CSMD1: variants seen among roughly 807,000 people sequenced by gnomAD.
The protein encoded by CSMD1 is CUB and Sushi multiple domains 1.
A neutral mutation model predicts 417.5 loss-of-function variants in CSMD1; 213 were observed. The observed-to-expected ratio is 0.51, with a 90% CI of 0.46 to 0.57. The LOEUF (loss-of-function observed/expected upper bound fraction) is 0.57, where lower values mean the gene tolerates loss of function less well. Ranked by LOEUF, CSMD1 falls within the 20% of genes least tolerant of loss-of-function variation. CSMD1 has a pLI of 0.00. For missense variants in CSMD1, 6,923 were observed against 4,529.7 expected, an observed-to-expected ratio of 1.53 and a Z score of -15.17; for synonymous variants, 2,862 against 1,736.8, an observed-to-expected ratio of 1.65 and a Z score of -16.11.
chr8:3,834,619 G>C (rs1802572034), intron 5 of CSMD1, among the ~76,000 whole-genome samples: 3 of 152,180 alleles, frequency 2.0e-5, no homozygotes, highest in African/African-American at 7.2e-5. Context: ...ATACGTTTCA[G>C]AGAGTTCTTT....
chr8:4,918,913 T>C (rs1806244618), intron 1 of CSMD1, among the ~76,000 whole-genome samples: 1 of 152,080 alleles, frequency 6.6e-6, no homozygotes. Context: ...TTAAAAAAAG[T>C]AGTAAAATTC....
At chr8:4,581,502 G>C (rs1006330982) in intron 2 of CSMD1, among the ~76,000 whole-genome samples, 4 of 152,128 alleles carry the variant, frequency 2.6e-5, no homozygotes, top group Non-Finnish European at 2.9e-5. Flanking sequence ...GTAGAAAAAG[G>C]GTTTGAGAAG....
intron 5 of CSMD1, among the ~76,000 whole-genome samples, chr8:3,825,585 G>GT (rs34873025): frequency 0.44 from 66,197 of 151,804 alleles, 15,070 homozygotes; most frequent in East Asian, 0.62. Flanking sequence ...ACCTAGAAGA[G>GT]TGGGGGAAGG....
intron 3 of CSMD1, among the ~76,000 whole-genome samples, chr8:4,419,645 T>C (rs1234433935): frequency 6.6e-6 from 1 of 152,196 alleles, no homozygotes; most frequent in Non-Finnish European, 1.5e-5. Context: ...ATGAACTCTT[T>C]ACCACGTAAG....
chr8:4,677,434 C>G (rs1805767755), intron 1 of CSMD1, among the ~76,000 whole-genome samples: 1 of 152,056 alleles, frequency 6.6e-6, no homozygotes. Context: ...CTCTCGTTCT[C>G]TCTCCAACCT....
intron 23 of CSMD1, among the ~76,000 whole-genome samples, chr8:3,331,136 G>C (rs1297441281): frequency 6.6e-6 from 1 of 151,938 alleles, no homozygotes; most frequent in African/African-American, 2.4e-5. Context: ...TATTCAGGAG[G>C]CTGAGGCAGG....
chr8:4,908,313 C>A (rs1357181205), intron 1 of CSMD1, among the ~76,000 whole-genome samples: 1 of 152,144 alleles, frequency 6.6e-6, no homozygotes, highest in Non-Finnish European at 1.5e-5. Flanking sequence ...GTGCAGTATG[C>A]ATATGATATA....
chr8:3,923,821 G>A (rs2975323), intron 5 of CSMD1, among the ~76,000 whole-genome samples: 34,368 of 152,066 alleles, frequency 0.23, 4,746 homozygotes, highest in African/African-American at 0.37. Flanking sequence ...CTGCGTCTGA[G>A]TTTCAATTTT....
chr8:3,040,387 AATATAT>A (rs35722761), intron 50 of CSMD1, among the ~76,000 whole-genome samples: 1,901 of 137,508 alleles, frequency 0.014, 44 homozygotes, highest in African/African-American at 0.045. Context: ...TACACATTGA[AATATAT>A]ATATATATAT....
intron 1 of CSMD1, among the ~76,000 whole-genome samples, chr8:4,813,267 T>C (rs190838554): frequency 6.6e-6 from 1 of 152,066 alleles, no homozygotes; most frequent in Non-Finnish European, 1.5e-5. Flanking sequence ...GTAGTAATGA[T>C]CTTTCTGTTA....
chr8:3,642,320 G>C (rs1052600945), intron 7 of CSMD1, among the ~76,000 whole-genome samples: 19 of 152,136 alleles, frequency 1.2e-4, no homozygotes, highest in Admixed American at 4.6e-4. Context: ...AAAAGAACTT[G>C]CTCTTTCCCA....
chr8:3,504,258 A>AT (rs33949269), intron 10 of CSMD1, among the ~76,000 whole-genome samples: 2 of 151,844 alleles, frequency 1.3e-5, no homozygotes, highest in African/African-American at 2.4e-5. Flanking sequence ...TTAAAAAAAC[A>AT]TTTTTTTTAA....
chr8:4,215,325 G>A (rs570280519), intron 3 of CSMD1, among the ~76,000 whole-genome samples: 1 of 152,134 alleles, frequency 6.6e-6, no homozygotes, highest in East Asian at 1.9e-4. Flanking sequence ...AGTTACATTT[G>A]GCTTTTAGAT....
chr8:4,482,723 G>C (rs896144491), intron 2 of CSMD1, among the ~76,000 whole-genome samples: 6 of 152,122 alleles, frequency 3.9e-5, no homozygotes, highest in African/African-American at 1.2e-4. Flanking sequence ...CAGTGTAAAA[G>C]GATTCCTTTT....
chr8:4,119,741 T>G (rs1040754021), intron 3 of CSMD1, among the ~76,000 whole-genome samples: 1 of 152,126 alleles, frequency 6.6e-6, no homozygotes, highest in Non-Finnish European at 1.5e-5. Flanking sequence ...CTCCAAACAG[T>G]GGGAAATGAA....
At chr8:4,373,488 A>G (rs1802525554) in intron 3 of CSMD1, among the ~76,000 whole-genome samples, 1 of 152,220 alleles carries the variant, frequency 6.6e-6, no homozygotes, top group Admixed American at 6.5e-5. Flanking sequence ...AAACTGTCCT[A>G]AAAAAGTTTA....
At chr8:3,893,608 A>C (rs12550243) in intron 5 of CSMD1, among the ~76,000 whole-genome samples, 5 of 151,504 alleles carry the variant, frequency 3.3e-5, no homozygotes, top group Non-Finnish European at 5.9e-5. Context: ...CTCCACCATT[A>C]GAATCTACTT....
intron 1 of CSMD1, among the ~76,000 whole-genome samples, chr8:4,851,038 T>C (rs1484688420): frequency 1.3e-5 from 2 of 152,022 alleles, no homozygotes; most frequent in South Asian, 2.1e-4. Context: ...CATGTTGGTG[T>C]GCTGCACCCA....
At chr8:4,130,945 C>G (rs1033798694) in intron 3 of CSMD1, among the ~76,000 whole-genome samples, 1 of 152,040 alleles carries the variant, frequency 6.6e-6, no homozygotes, top group Non-Finnish European at 1.5e-5. Context: ...AATATCATAT[C>G]TAATCTATAA....
Sources: allele counts gnomAD v4.1 joint callset (sites outside exome capture counted in the v4.1 genomes callset), GRCh38; gene constraint gnomAD v4.1.1; transcripts MANE v1.5; gene names NCBI Gene and HGNC (gene_info 2026-07-23, HGNC 2026-07-21).